Variants in IPP observed in about 807,000 individuals in gnomAD.
IPP encodes intracisternal A particle-promoted polypeptide.
A neutral mutation model predicts 64.1 loss-of-function variants in IPP; 41 were observed. The ratio of observed to expected loss-of-function variants is 0.64; its 90% CI spans 0.50 to 0.83. The LOEUF is 0.83. Ranked by LOEUF, IPP falls within the 40% of genes least tolerant of loss-of-function variation. The pLI, the probability that IPP is intolerant of heterozygous loss-of-function variation, is 0.00. For synonymous variants in IPP, 214 were observed against 235.2 expected, an observed-to-expected ratio of 0.91 and a Z score of 0.83; for missense variants, 649 against 703.0, an observed-to-expected ratio of 0.92 and a Z score of 0.87.
intron 8 of IPP, among the ~76,000 whole-genome samples, chr1:45,703,807 C>T (rs1047065122): frequency 2.0e-5 from 3 of 152,172 alleles, no homozygotes; most frequent in African/African-American, 7.2e-5. Context: ...CAGCACTTAA[C>T]ACATTGTAAC....
intron 8 of IPP, among the ~76,000 whole-genome samples, chr1:45,711,235 G>C (rs551481052): frequency 2.0e-5 from 3 of 151,668 alleles, no homozygotes; most frequent in Non-Finnish European, 2.9e-5. Flanking sequence ...CCAGCTACTC[G>C]GGAGGCTGAG....
chr1:45,707,638 C>T (rs1005364247), intron 8 of IPP, among the ~76,000 whole-genome samples: 1 of 151,922 alleles, frequency 6.6e-6, no homozygotes, highest in African/African-American at 2.4e-5. Context: ...GATTAATAAA[C>T]TTGAAGACAG....
intron 1 of IPP, among the ~76,000 whole-genome samples, chr1:45,746,844 T>C (rs1319172795): frequency 6.6e-6 from 1 of 152,218 alleles, no homozygotes. Flanking sequence ...AAAGCAGTTG[T>C]GATCAGTCTA....
chr1:45,733,157 C>T (rs529081829), intron 3 of IPP, among the ~76,000 whole-genome samples: 12 of 151,874 alleles, frequency 7.9e-5, no homozygotes, highest in East Asian at 7.8e-4. Flanking sequence ...CCAGGTGCAG[C>T]GGCTCACGCC....
At chr1:45,725,713 C>T (rs1476905307) in intron 5 of IPP, among the ~76,000 whole-genome samples, 4 of 140,380 alleles carry the variant, frequency 2.8e-5, no homozygotes, top group Admixed American at 7.2e-5. Flanking sequence ...TAGAAGTAGA[C>T]ATGGGAGACT....
intron 1 of IPP, among the ~76,000 whole-genome samples, chr1:45,747,221 A>C (rs991001529): frequency 7.4e-5 from 11 of 148,920 alleles, no homozygotes; most frequent in African/African-American, 2.9e-4. Flanking sequence ...TTAGGTTTCC[A>C]ATGTTTGTGA....
intron 6 of IPP, among the ~76,000 whole-genome samples, chr1:45,718,568 C>T (rs1486675815): frequency 2.6e-5 from 2 of 78,006 alleles, no homozygotes; most frequent in African/African-American, 8.3e-5. Context: ...CCAGGAGCAC[C>T]CCCTCCAATC....
intron 8 of IPP, among the ~76,000 whole-genome samples, chr1:45,711,836 A>G (rs561394971): frequency 7.1e-4 from 108 of 152,326 alleles, no homozygotes; most frequent in African/African-American, 2.5e-3. Flanking sequence ...AAGAAGACAT[A>G]ATAAACTTAA....
At chr1:45,735,762 T>C (rs1645971550) in intron 3 of IPP, among the ~76,000 whole-genome samples, 1 of 66,270 alleles carries the variant, frequency 1.5e-5, no homozygotes, top group Non-Finnish European at 3.4e-5. Flanking sequence ...CTCGAGTAGC[T>C]GGGACTACAG....
Position 45,741,138 on chromosome 1 carries a change from G to C in IPP, c.487C>G (p.His163Asp). The change falls in exon 3 of 9, where the codon CAT (histidine) becomes GAT (aspartate). Residue 163 changes from histidine (H) to aspartate (D), a missense_variant. Physicochemically the swap from His to Asp is moderately conservative, Grantham distance 81. Transcript: ENST00000396478. ...DLLEFSENYIHVHFLEVHSGE... is the reference protein window; with the variant it reads ...DLLEFSENYIDVHFLEVHSGE... Reference sequence around the variant, plus strand: ...CTATGAACCTCCAAGAAATGGACATGAATGTAGTTTTCTGAGAATTCCAAG... The same window carrying C: ...CTATGAACCTCCAAGAAATGGACATCAATGTAGTTTTCTGAGAATTCCAAG... 6.2e-7 allele frequency: 1 copy of C among 1,614,136 alleles called. No individual in the cohort carries two copies. Among genetic ancestry groups the C allele is most frequent in the Middle Eastern group, 1.7e-4 (1 of 6,060 alleles).
At chr1:45,736,619 C>T (rs1166449222) in intron 3 of IPP, among the ~76,000 whole-genome samples, 1 of 152,056 alleles carries the variant, frequency 6.6e-6, no homozygotes, top group African/African-American at 2.4e-5. Flanking sequence ...CTCCCTTGAT[C>T]GTTGCAGTAT....
In IPP at chr1:45,699,724, A is replaced by T. The variant is rs778752693; in HGVS notation, c.*242T>A. ...GTTGCCCAGAGTGGAGTGCAGTGGCATGATCGTAGCTTACTACAACCTCAA... is the reference window on the plus strand; with the variant it reads ...GTTGCCCAGAGTGGAGTGCAGTGGCTTGATCGTAGCTTACTACAACCTCAA... On this transcript the variant is annotated 3_prime_UTR_variant, in exon 9 of 9. Transcript: ENST00000396478. 28 of 1,201,432 alleles carry T rather than the reference A, an allele frequency of 2.3e-5. No individual in the cohort carries two copies. Among genetic ancestry groups the T allele is most frequent in the Non-Finnish European group, 2.9e-5 (27 of 922,842 alleles). The allele number at this position is 1,201,432 out of a possible 1,614,324, so 74.4% of individuals were successfully genotyped here.
intron 8 of IPP, among the ~76,000 whole-genome samples, chr1:45,712,622 C>T (rs1345504554): frequency 6.6e-6 from 1 of 151,720 alleles, no homozygotes; most frequent in Non-Finnish European, 1.5e-5. Context: ...CTTTGGGAGG[C>T]CGAGGCAGGA....
chr1:45,703,621 G>C (rs1203153800), intron 8 of IPP, among the ~76,000 whole-genome samples: 1 of 151,954 alleles, frequency 6.6e-6, no homozygotes, highest in East Asian at 1.9e-4. Flanking sequence ...CTGTGGTAAA[G>C]AAACTAATTT....
intron 7 of IPP, 120 bp downstream of exon 7, chr1:45,716,775 G>A: frequency 1.4e-6 from 1 of 737,190 alleles, no homozygotes; most frequent in South Asian, 2.1e-5. Context: ...CTTCTATGCT[G>A]CTAGTATCAG....
chr1:45,744,870 C>T (rs532191656), intron 2 of IPP, among the ~76,000 whole-genome samples: 78 of 151,518 alleles, frequency 5.1e-4, no homozygotes, highest in African/African-American at 1.8e-3. Context: ...TTAGCCTGGG[C>T]AATGTAGTGA....
At chr1:45,737,489 C>T (rs376050712) in intron 3 of IPP, among the ~76,000 whole-genome samples, 6 of 130,118 alleles carry the variant, frequency 4.6e-5, no homozygotes, top group African/African-American at 1.8e-4. Flanking sequence ...GAGACAGGGT[C>T]TGGCTCTGCC....
At chr1:45,734,865 C>T (rs1210140001) in intron 3 of IPP, among the ~76,000 whole-genome samples, 1 of 152,136 alleles carries the variant, frequency 6.6e-6, no homozygotes, top group Non-Finnish European at 1.5e-5. Flanking sequence ...TACCAACCTC[C>T]ACCTCCCAGG....
At chr1:45,722,604 A>G (rs1422911473) in intron 5 of IPP, among the ~76,000 whole-genome samples, 1 of 152,104 alleles carries the variant, frequency 6.6e-6, no homozygotes, top group Non-Finnish European at 1.5e-5. Flanking sequence ...CAAAAAAAGA[A>G]AAAGTTAATA....
Sources: gnomAD v4.1 joint callset for allele counts (sites outside exome capture counted in the v4.1 genomes callset) on GRCh38, gnomAD v4.1.1 for gene constraint, MANE v1.5 for transcripts, NCBI Gene and HGNC (gene_info 2026-07-23, HGNC 2026-07-21) for gene names.